The following ANK2 variants were observed in gnomAD, a reference collection of about 807,000 sequenced individuals.
The protein encoded by ANK2 is ankyrin-2.
ANK2 carries 83 observed loss-of-function variants against 360.5 expected under a neutral mutation model. The ratio of observed to expected loss-of-function variants is 0.23; its 90% CI spans 0.19 to 0.28. The LOEUF is 0.28. Ranked by LOEUF, ANK2 falls within the 10% of genes least tolerant of loss-of-function variation. ANK2 has a pLI of 1.00. For synonymous variants in ANK2, 1,740 were observed against 1,759.5 expected, an observed-to-expected ratio of 0.99 and a Z score of 0.28; for missense variants, 4,201 against 4,795.7, an observed-to-expected ratio of 0.88 and a Z score of 3.66.
chr4:113,363,238 C>A, intron 39 of ANK2, 100 bp from the exon 40 acceptor site: 2 of 1,216,046 alleles, frequency 1.6e-6, no homozygotes, highest in Non-Finnish European at 2.4e-6. Context: ...AAATACTCAC[C>A]ACAATATAAA....
At chr4:113,351,184 A>G (rs189062158) in intron 37 of ANK2, among the ~76,000 whole-genome samples, 141 of 152,308 alleles carry the variant, frequency 9.3e-4, no homozygotes, top group African/African-American at 3.1e-3. Context: ...TTGAATATCA[A>G]TAAACTTTAT....
At chr4:112,953,629 T>A (rs1308676396) in intron 2 of ANK2, among the ~76,000 whole-genome samples, 1 of 152,242 alleles carries the variant, frequency 6.6e-6, no homozygotes, top group East Asian at 1.9e-4. Flanking sequence ...TTTCAGATAG[T>A]TATTAATTTC....
intron 23 of ANK2, among the ~76,000 whole-genome samples, chr4:113,309,604 G>A (rs1013800326): frequency 1.3e-4 from 20 of 151,922 alleles, no homozygotes; most frequent in African/African-American, 3.9e-4. Flanking sequence ...CTGTAGCCTC[G>A]ACTTCCTGGG....
At chr4:112,928,470 T>C (rs2154233416) in intron 2 of ANK2, among the ~76,000 whole-genome samples, 1 of 152,246 alleles carries the variant, frequency 6.6e-6, no homozygotes, top group South Asian at 2.1e-4. Flanking sequence ...CAATCATAAT[T>C]GTTACTGGCT....
At chr4:113,364,146 C>T (rs1036915266) in intron 40 of ANK2, among the ~76,000 whole-genome samples, 1 of 152,148 alleles carries the variant, frequency 6.6e-6, no homozygotes. Flanking sequence ...AACCCCACCA[C>T]CACTATGACC....
chr4:112,973,499 T>G (rs1020236170), intron 2 of ANK2, among the ~76,000 whole-genome samples: 9 of 152,246 alleles, frequency 5.9e-5, no homozygotes, highest in Non-Finnish European at 1.2e-4. Context: ...TCCTGCTGTC[T>G]GTTCTCTCTT....
chr4:113,372,611 C>T, intron 43 of ANK2: 5 of 1,535,328 alleles, frequency 3.3e-6, no homozygotes, highest in Non-Finnish European at 4.4e-6. Context: ...TGTCCGCCGG[C>T]GAGTGATTAT....
At chr4:112,713,162 G>C in the ANK2 span, among the ~76,000 whole-genome samples, 2 of 152,110 alleles carry the variant, frequency 1.3e-5, no homozygotes, top group African/African-American at 2.4e-5. Context: ...CCTGTAAACA[G>C]GTCCCTCTAA....
intron 2 of ANK2, among the ~76,000 whole-genome samples, chr4:112,915,982 C>G (rs2089686828): frequency 6.6e-6 from 1 of 151,952 alleles, no homozygotes; most frequent in Non-Finnish European, 1.5e-5. Flanking sequence ...AAAAGTTTTC[C>G]ATTCCTGCGT....
intron 15 of ANK2, 148 bp from the exon 16 acceptor site, chr4:113,277,689 C>T: frequency 1.5e-6 from 1 of 648,294 alleles, no homozygotes; most frequent in African/African-American, 1.8e-5. Context: ...TTTCTTTGTC[C>T]TTGTTCATGG....
At chr4:113,197,492 G>T (rs903568152) in intron 3 of ANK2, among the ~76,000 whole-genome samples, 5 of 152,204 alleles carry the variant, frequency 3.3e-5, no homozygotes, top group African/African-American at 9.6e-5. Context: ...ACCAAGCCTT[G>T]AATGTGATAA....
rs35446871 is a variant in ANK2, at chr4:113,381,478, C to T, written c.*7C>T. The stretch of plus-strand genomic sequence containing the variant: ...CCAGGACAACAATGAGTAAAGCCAT[C>T]ACACAGAAGAGGGCTGTGGTGAAGG... On this transcript the variant is annotated 3_prime_UTR_variant, in exon 46 of 46. Transcript: ENST00000357077. The T allele has an allele frequency of 0.031, 49,923 of 1,614,054 alleles. 877 individuals carry two copies. The highest frequency in any genetic ancestry group is 0.034 in the Non-Finnish European group (39,867 of 1,179,952).
chr4:113,156,731 T>C (rs1255395641), intron 1 of ANK2, among the ~76,000 whole-genome samples: 1 of 151,730 alleles, frequency 6.6e-6, no homozygotes, highest in Non-Finnish European at 1.5e-5. Flanking sequence ...AATGGGATTA[T>C]GGTTGCTAAC....
chr4:113,233,967 A>G (rs759616352), intron 5 of ANK2, among the ~76,000 whole-genome samples: 1 of 152,212 alleles, frequency 6.6e-6, no homozygotes, highest in Non-Finnish European at 1.5e-5. Context: ...ACAATATGAG[A>G]CTGCATCTTT....
Position 113,287,717 on chromosome 4 carries a change from C to T in ANK2, c.2178+14C>T, listed in dbSNP as rs773936290. 6.3e-6 allele frequency: 10 copies of T among 1,588,858 alleles called. No individual in the cohort carries two copies. Among genetic ancestry groups the T allele is most frequent in the Admixed American group, 1.7e-5 (1 of 59,936 alleles). ...GCTCATACAAAGGTAAAGCAAATCA[C>T]TCTCAGTATTGTGACAGGTTCTGGC... is the stretch of plus-strand genomic sequence containing the variant. On this transcript the variant is annotated intron_variant, in intron 19 of 45. Coordinates refer to ENST00000357077, the MANE Select transcript of ANK2 (RefSeq NM_001148.6).
intron 2 of ANK2, among the ~76,000 whole-genome samples, chr4:113,000,842 C>T (rs2154286192): frequency 6.6e-6 from 1 of 152,276 alleles, no homozygotes; most frequent in South Asian, 2.1e-4. Context: ...TTATTATCAT[C>T]ATCCTCGTAC....
the ANK2 span, among the ~76,000 whole-genome samples, chr4:112,765,784 C>T: frequency 6.6e-6 from 1 of 151,586 alleles, no homozygotes; most frequent in Non-Finnish European, 1.5e-5. Flanking sequence ...TGTTCTACAT[C>T]AGCATAGTAC....
intron 23 of ANK2, 103 bp from the exon 24 acceptor site, chr4:113,311,152 A>C (rs2153819107): frequency 6.8e-7 from 1 of 1,469,668 alleles, no homozygotes; most frequent in Middle Eastern, 2.1e-4. Context: ...AGTTTCATCA[A>C]GGTCAAGGTA....
chr4:112,711,719 C>G, the ANK2 span, among the ~76,000 whole-genome samples: 2 of 151,972 alleles, frequency 1.3e-5, no homozygotes, highest in South Asian at 4.2e-4. Context: ...ACTTGGGAGG[C>G]TGAGGCAGGA....
Sources: gnomAD v4.1 joint callset for allele counts (sites outside exome capture counted in the v4.1 genomes callset) on GRCh38, gnomAD v4.1.1 for gene constraint, MANE v1.5 for transcripts, NCBI Gene and HGNC (gene_info 2026-07-23, HGNC 2026-07-21) for gene names.